MAGI1: variants seen among roughly 807,000 people sequenced by gnomAD.
MAGI1 encodes membrane associated guanylate kinase, WW and PDZ domain containing 1.
A neutral mutation model predicts 139.9 loss-of-function variants in MAGI1; 58 were observed. The ratio of observed to expected loss-of-function variants is 0.41; its 90% CI spans 0.34 to 0.52. The LOEUF is 0.52. Among genes scored for constraint, MAGI1 ranks in the 20% least tolerant of loss-of-function variants. The pLI is 0.12. For missense variants in MAGI1, 1,874 were observed against 1,901.6 expected, an observed-to-expected ratio of 0.99 and a Z score of 0.27; for synonymous variants, 812 against 737.9, an observed-to-expected ratio of 1.10 and a Z score of -1.63.
At chr3:65,541,608 G>C (rs1233375020) in intron 2 of MAGI1, among the ~76,000 whole-genome samples, 2 of 152,164 alleles carry the variant, frequency 1.3e-5, no homozygotes, top group African/African-American at 4.8e-5. Flanking sequence ...ATGCAAGTCT[G>C]GTTCAACGTA....
intron 14 of MAGI1, 109 bp from the exon 15 acceptor site, chr3:65,383,732 A>G: frequency 1.4e-6 from 1 of 739,502 alleles, no homozygotes; most frequent in Middle Eastern, 3.2e-4. Context: ...GATCAGATGG[A>G]AGATTTTCAA....
intron 1 of MAGI1, among the ~76,000 whole-genome samples, chr3:65,985,515 G>C (rs12636857): frequency 6.6e-6 from 1 of 152,082 alleles, no homozygotes; most frequent in South Asian, 2.1e-4. Context: ...AATTCCTTTA[G>C]GTATCATACT....
intron 1 of MAGI1, among the ~76,000 whole-genome samples, chr3:66,012,206 C>A (rs1306607313): frequency 6.6e-6 from 1 of 152,132 alleles, no homozygotes; most frequent in Non-Finnish European, 1.5e-5. Flanking sequence ...AGGCTTTAAT[C>A]TGTCAAACTT....
chr3:65,375,768 G>A lies in MAGI1; in HGVS notation c.3173C>T (p.Thr1058Ile). 6.2e-7 allele frequency: 1 copy of A among 1,613,648 alleles called. No individual in the cohort carries two copies. Among genetic ancestry groups the A allele is most frequent in the Non-Finnish European group, 8.5e-7 (1 of 1,179,618 alleles). ...ACCATCCCCAGGAATGATGCGGAGG[G>A]TAACTGTGTTTCCCGCTTCCTTGAT... is the stretch of plus-strand genomic sequence containing the variant. The part of the protein sequence containing the change: ...NLIKEAGNTV[T>I]LRIIPGDESS... Residue 1058 changes from threonine (T) to isoleucine (I), a missense_variant, in exon 18 of 23, where the codon ACC becomes ATC. Thr to Ile is a moderately conservative substitution (Grantham distance 89). Coordinates refer to ENST00000402939, the MANE Select transcript of MAGI1 (RefSeq NM_001033057.2).
intron 1 of MAGI1, among the ~76,000 whole-genome samples, chr3:65,629,859 G>A (rs74618114): frequency 0.11 from 15,334 of 138,600 alleles, 860 homozygotes; most frequent in Middle Eastern, 0.14. Flanking sequence ...ATGGATGGCG[G>A]TGACGGATGC....
chr3:65,471,888 G>C (rs1950579715), intron 4 of MAGI1, among the ~76,000 whole-genome samples: 1 of 152,130 alleles, frequency 6.6e-6, no homozygotes, highest in South Asian at 2.1e-4. Context: ...AGGTGCTGGA[G>C]CCATCTTGAC....
Position 65,500,744 on chromosome 3 carries a change from G to C in MAGI1, c.431-7113C>G, listed in dbSNP as rs139973046. On this transcript the variant is annotated intron_variant, in intron 2 of 22. Transcript: ENST00000402939. ...GTCCAAATGGTCTTATGGCCAGACT[G>C]TTAAAGGAAAATAATCAGCCCACAA... 6.3e-4 allele frequency among the ~76,000 whole-genome samples: 96 copies of C among 152,278 alleles called. No individual in the cohort carries two copies. The East Asian group carries it at 0.016, about 25-fold the overall frequency.
intron 12 of MAGI1, among the ~76,000 whole-genome samples, chr3:65,423,067 C>T (rs560306518): frequency 6.6e-6 from 1 of 152,220 alleles, no homozygotes; most frequent in Admixed American, 6.5e-5. Context: ...GAGATGTAAA[C>T]CAAGTTTGAG....
intron 1 of MAGI1, among the ~76,000 whole-genome samples, chr3:65,778,236 G>A (rs1466726655): frequency 6.6e-6 from 1 of 152,052 alleles, no homozygotes; most frequent in East Asian, 1.9e-4. Flanking sequence ...TCAAGATCAG[G>A]CTGGCCAACA....
rs573098057 is a variant in MAGI1, at chr3:65,556,912, T to A, written c.431-63281A>T. Among the ~76,000 whole-genome samples the A allele has an allele frequency of 9.2e-5, 14 of 152,326 alleles. No homozygotes were observed. In the East Asian group the frequency reaches 2.7e-3, roughly 29 times the overall value. On this transcript the variant is annotated intron_variant, in intron 2 of 22. Coordinates refer to ENST00000402939, the MANE Select transcript of MAGI1 (RefSeq NM_001033057.2). ...GTATATGATTCCAGACTTGTTCTGCTCAATCCGTACTGGCCTTCGTTCACT... is the reference window on the plus strand; with the variant it reads ...GTATATGATTCCAGACTTGTTCTGCACAATCCGTACTGGCCTTCGTTCACT...
At chr3:65,659,806 T>A (rs1398116586) in intron 1 of MAGI1, among the ~76,000 whole-genome samples, 1 of 152,156 alleles carries the variant, frequency 6.6e-6, no homozygotes, top group Non-Finnish European at 1.5e-5. Context: ...GGGGACCTCC[T>A]CCAAACCAAA....
intron 1 of MAGI1, among the ~76,000 whole-genome samples, chr3:65,815,757 C>T (rs2041560789): frequency 6.6e-6 from 1 of 152,028 alleles, no homozygotes; most frequent in African/African-American, 2.4e-5. Context: ...ACCAGTGATT[C>T]ATATACCTTA....
chr3:65,863,666 A>T (rs1390502783), intron 1 of MAGI1, among the ~76,000 whole-genome samples: 1 of 152,206 alleles, frequency 6.6e-6, no homozygotes, highest in Non-Finnish European at 1.5e-5. Context: ...GATCCACTCT[A>T]CTGCTAGACT....
chr3:66,033,563 G>A (rs971043924), intron 1 of MAGI1, among the ~76,000 whole-genome samples: 1 of 152,118 alleles, frequency 6.6e-6, no homozygotes, highest in Non-Finnish European at 1.5e-5. Flanking sequence ...TAAAATGAGA[G>A]TTATTGTCAT....
chr3:65,392,377 A>T (rs1943996292), intron 13 of MAGI1, among the ~76,000 whole-genome samples: 1 of 152,190 alleles, frequency 6.6e-6, no homozygotes, highest in Non-Finnish European at 1.5e-5. Context: ...AAAATCCTGC[A>T]GTCATGCCTC....
chr3:65,905,656 T>C (rs966820163), intron 1 of MAGI1, among the ~76,000 whole-genome samples: 7 of 152,148 alleles, frequency 4.6e-5, no homozygotes, highest in Non-Finnish European at 7.3e-5. Context: ...AAATTCTAAG[T>C]CTCAATTTCT....
chr3:65,949,414 A>G (rs1037467060), intron 1 of MAGI1, among the ~76,000 whole-genome samples: 1 of 152,258 alleles, frequency 6.6e-6, no homozygotes, highest in African/African-American at 2.4e-5. Flanking sequence ...ATTCACTGAC[A>G]AATGTTATCT....
At chr3:65,987,033 G>C (rs906990286) in intron 1 of MAGI1, among the ~76,000 whole-genome samples, 7 of 152,040 alleles carry the variant, frequency 4.6e-5, no homozygotes, top group African/African-American at 1.7e-4. Flanking sequence ...ACCATGTTCG[G>C]CTAAATTTTT....
At chr3:65,423,024 C>T (rs1051455167) in intron 12 of MAGI1, among the ~76,000 whole-genome samples, 14 of 152,032 alleles carry the variant, frequency 9.2e-5, no homozygotes, top group Non-Finnish European at 1.9e-4. Context: ...GGCCAGGTGC[C>T]CTACAATGGG....
Sources: gnomAD v4.1 joint callset for allele counts (sites outside exome capture counted in the v4.1 genomes callset) on GRCh38, gnomAD v4.1.1 for gene constraint, MANE v1.5 for transcripts, NCBI Gene and HGNC (gene_info 2026-07-23, HGNC 2026-07-21) for gene names.